The following GSE1 variants were observed in gnomAD, a reference collection of about 807,000 sequenced individuals.
GSE1 encodes the protein Gse1 coiled-coil protein.
Under a neutral mutation model 112.6 loss-of-function variants are expected in GSE1, and 32 were observed. That is an observed-to-expected ratio of 0.28 (90% CI 0.21 to 0.38). The LOEUF is 0.38. Ranked by LOEUF, GSE1 falls within the 10% of genes least tolerant of loss-of-function variation. The probability of loss-of-function intolerance (pLI) is 1.00; values close to 1 mark genes in which losing one functional copy is unlikely to be tolerated. For synonymous variants in GSE1, 1,115 were observed against 735.6 expected (o/e 1.52, Z -8.35); for missense variants, 2,348 against 1,699.2 (o/e 1.38, Z -6.71).
At position 85,530,831 on chromosome 16, in the gene GSE1, CA is replaced by C. The variant is rs1442810837; in HGVS notation, c.2465-103082del. ...GGGAAAATCTGAACGTGACTGAGAC[CA>C]GGGGAAACCTTGAGGCCCAAGTGAG... On this transcript the variant is annotated intron_variant, in intron 2 of 2. Coordinates refer to the GSE1 transcript ENST00000637419. 2.6e-5 allele frequency among the ~76,000 whole-genome samples: 4 copies of C among 152,348 alleles called. No individual in the cohort carries two copies. The Middle Eastern group carries it at 0.01, about 389-fold the overall frequency.
At chr16:85,603,049 G>A (rs996195109) in intron 1 of GSE1, among the ~76,000 whole-genome samples, 5 of 152,284 alleles carry the variant, frequency 3.3e-5, no homozygotes, top group Admixed American at 2.6e-4. Context: ...GGTGGCAGGA[G>A]CTGCCTTGCA....
chr16:85,187,937 T>C (rs1226122299), intron 1 of GSE1, among the ~76,000 whole-genome samples: 1 of 152,168 alleles, frequency 6.6e-6, no homozygotes, highest in African/African-American at 2.4e-5. Context: ...ACGCTCAGGA[T>C]AACCCTTCCC....
intron 1 of GSE1, among the ~76,000 whole-genome samples, chr16:85,172,922 C>G (rs142422037): frequency 6.6e-6 from 1 of 152,216 alleles, no homozygotes; most frequent in Non-Finnish European, 1.5e-5. Context: ...ACCTCTCCCC[C>G]GATACGCGGC....
chr16:85,674,073 A>ATT lies in GSE1; in HGVS notation c.*1534_*1535insTT, dbSNP rs2053546689. 6.6e-6 allele frequency: 1 copy of ATT among 152,262 alleles called. No individual in the cohort carries two copies. Among genetic ancestry groups the ATT allele is most frequent in the Non-Finnish European group, 1.5e-5 (1 of 68,070 alleles). 9.4% of individuals were successfully genotyped at this position (152,262 alleles called of 1,614,324 possible). On this transcript the variant is annotated 3_prime_UTR_variant, in exon 16 of 16. Coordinates refer to ENST00000253458, the MANE Select transcript of GSE1 (RefSeq NM_014615.5). ...CTATGGAGGCAGTGTTTAGATCAAG[A>ATT]AGGCCTCTCTTGCTCCCAAGGGCCC...
At chr16:85,367,321 T>G (rs2151590914) in intron 2 of GSE1, among the ~76,000 whole-genome samples, 1 of 152,322 alleles carries the variant, frequency 6.6e-6, no homozygotes, top group South Asian at 2.1e-4. Context: ...TCTCTGCCGC[T>G]ACAATGCCGT....
chr16:85,251,589 G>T (rs1033302328), intron 1 of GSE1, among the ~76,000 whole-genome samples: 1 of 152,270 alleles, frequency 6.6e-6, no homozygotes, highest in Non-Finnish European at 1.5e-5. Flanking sequence ...ACCCTGGGCA[G>T]GGGCTGGGCC....
intron 1 of GSE1, among the ~76,000 whole-genome samples, chr16:85,187,963 C>T (rs898717733): frequency 2.0e-5 from 3 of 152,234 alleles, no homozygotes; most frequent in African/African-American, 7.2e-5. Context: ...CCACCTGGAC[C>T]ACCCTGGCCT....
At chr16:85,671,148 G>A (rs1033879334) in intron 15 of GSE1, 50 bp downstream of exon 15, 2 of 1,107,152 alleles carry the variant, frequency 1.8e-6, no homozygotes, top group Non-Finnish European at 1.4e-6. Context: ...TTTTGAGTTT[G>A]GGTTCAGAAA....
chr16:85,541,615 G>A (rs2044521786), intron 2 of GSE1, among the ~76,000 whole-genome samples: 1 of 152,250 alleles, frequency 6.6e-6, no homozygotes. Context: ...GTTCGCTTCT[G>A]TGCCTGGGAT....
intron 2 of GSE1, among the ~76,000 whole-genome samples, chr16:85,471,154 C>T (rs867548449): frequency 6.6e-6 from 1 of 152,142 alleles, no homozygotes; most frequent in Non-Finnish European, 1.5e-5. Flanking sequence ...GCTCTCAGCC[C>T]GACCCCTGCC....
chr16:85,414,235 C>G (rs916318899), intron 2 of GSE1, among the ~76,000 whole-genome samples: 1 of 152,194 alleles, frequency 6.6e-6, no homozygotes, highest in Admixed American at 6.5e-5. Context: ...AGGGGACTTA[C>G]TCGGAAACAT....
chr16:85,265,894 G>T (rs1426442665), intron 1 of GSE1, among the ~76,000 whole-genome samples: 1 of 152,144 alleles, frequency 6.6e-6, no homozygotes, highest in African/African-American at 2.4e-5. Context: ...GGTGAGCCTG[G>T]GTCTCTGCAG....
At chr16:85,263,865 G>T (rs1221103585) in intron 1 of GSE1, among the ~76,000 whole-genome samples, 1 of 152,090 alleles carries the variant, frequency 6.6e-6, no homozygotes, top group East Asian at 1.9e-4. Context: ...AAGCTGCCAC[G>T]CCTGGCCACT....
intron 2 of GSE1, 50 bp from the exon 3 acceptor site, chr16:85,648,502 C>T (rs757813254): frequency 2.1e-5 from 20 of 967,926 alleles, no homozygotes; most frequent in African/African-American, 3.3e-5. Flanking sequence ...TGGCACTGCA[C>T]GTGGCTGTCA....
chr16:85,628,316 C>T (rs966847813), intron 1 of GSE1, among the ~76,000 whole-genome samples: 1 of 152,250 alleles, frequency 6.6e-6, no homozygotes, highest in African/African-American at 2.4e-5. Context: ...CAGGAGCCTG[C>T]AGCTGACACC....
intron 1 of GSE1, among the ~76,000 whole-genome samples, chr16:85,197,440 C>G (rs1299085407): frequency 2.6e-5 from 4 of 152,232 alleles, no homozygotes; most frequent in Admixed American, 6.5e-5. Context: ...GCGTCTTTAA[C>G]TCAATTCCTG....
intron 1 of GSE1, among the ~76,000 whole-genome samples, chr16:85,246,229 A>G (rs1180361382): frequency 7.2e-6 from 1 of 139,410 alleles, no homozygotes; most frequent in Admixed American, 7.1e-5. Flanking sequence ...ACACACACAC[A>G]CACACACACG....
intron 1 of GSE1, among the ~76,000 whole-genome samples, chr16:85,219,686 C>G (rs988741799): frequency 1.3e-5 from 2 of 152,248 alleles, no homozygotes; most frequent in African/African-American, 4.8e-5. Context: ...TGCACCTGAC[C>G]TGTCTCCTGT....
intron 13 of GSE1, 115 bp downstream of exon 13, chr16:85,666,462 C>T: frequency 1.1e-6 from 1 of 911,314 alleles, no homozygotes; most frequent in East Asian, 2.4e-5. Context: ...TTATAAACTC[C>T]AATCACCAGA....
Sources: gnomAD v4.1 joint callset for allele counts (sites outside exome capture counted in the v4.1 genomes callset) on GRCh38, gnomAD v4.1.1 for gene constraint, MANE v1.5 for transcripts, NCBI Gene and HGNC (gene_info 2026-07-23, HGNC 2026-07-21) for gene names.